Variants in HDAC8 observed in about 807,000 individuals in gnomAD.
HDAC8 encodes histone deacetylase-like 1.
In HDAC8, 1 loss-of-function variant was observed where a neutral mutation model predicts 32.2. The observed-to-expected ratio is 0.03, with a 90% confidence interval of 0.01 to 0.15. The LOEUF is 0.15. HDAC8 is among the 10% of genes least tolerant of loss of function. HDAC8 has a pLI of 1.00. For synonymous variants in HDAC8, 108 were observed against 113.9 expected, an observed-to-expected ratio of 0.95 and a Z score of 0.33; for missense variants, 117 against 300.0, an observed-to-expected ratio of 0.39 and a Z score of 4.51.
At chrX:72,446,084 G>T (rs782331344) in intron 9 of HDAC8, among the ~76,000 whole-genome samples, 1 of 112,213 alleles carries the variant, frequency 8.9e-6, no homozygotes, top group Non-Finnish European at 1.9e-5. Flanking sequence ...TACACTGTTG[G>T]TGGGACTGTA....
intron 4 of HDAC8, among the ~76,000 whole-genome samples, chrX:72,525,012 G>C (rs2050095220): frequency 9.0e-6 from 1 of 111,674 alleles, no homozygotes; most frequent in South Asian, 3.8e-4. Flanking sequence ...TTCTCATAAG[G>C]AGCATAAAAC....
intron 9 of HDAC8, among the ~76,000 whole-genome samples, chrX:72,452,455 T>TAAAC (rs1241638786): frequency 2.7e-5 from 3 of 110,826 alleles, no homozygotes; most frequent in South Asian, 3.9e-4. Context: ...GACTCCATCT[T>TAAAC]AAACAAACAA....
intron 9 of HDAC8, among the ~76,000 whole-genome samples, chrX:72,440,308 G>C (rs1470430835): frequency 9.0e-6 from 1 of 111,728 alleles, no homozygotes; most frequent in Non-Finnish European, 1.9e-5. Flanking sequence ...CAGAATCTCT[G>C]GGACACAGCT....
At chrX:72,330,579 G>A (rs1454061424) in intron 10 of HDAC8, among the ~76,000 whole-genome samples, 1 of 111,678 alleles carries the variant, frequency 9.0e-6, no homozygotes, top group African/African-American at 3.3e-5. Context: ...GTGAGTACCT[G>A]TGAAACACGG....
intron 9 of HDAC8, among the ~76,000 whole-genome samples, chrX:72,372,776 T>A (rs1169832417): frequency 2.7e-5 from 3 of 111,813 alleles, no homozygotes; most frequent in Non-Finnish European, 5.6e-5. Flanking sequence ...GTACCTTAGT[T>A]TCCTCATCTG....
At chrX:72,554,685 T>G (rs1326242682) in intron 4 of HDAC8, among the ~76,000 whole-genome samples, 1 of 111,321 alleles carries the variant, frequency 9.0e-6, no homozygotes, top group Non-Finnish European at 1.9e-5. Flanking sequence ...GTAACTCTAC[T>G]GGACTGGGAA....
At chrX:72,519,415 C>G (rs1471435778) in intron 4 of HDAC8, among the ~76,000 whole-genome samples, 1 of 111,819 alleles carries the variant, frequency 8.9e-6, no homozygotes, top group Non-Finnish European at 1.9e-5. Flanking sequence ...TCTACATTCC[C>G]ACCAGCAATG....
intron 9 of HDAC8, among the ~76,000 whole-genome samples, chrX:72,444,019 G>C (rs1367337050): frequency 9.2e-6 from 1 of 109,260 alleles, no homozygotes; most frequent in African/African-American, 3.4e-5. Flanking sequence ...ACCAATAAGA[G>C]GCTCTGAAAT....
At chrX:72,338,747 A>C (rs1192632815) in intron 10 of HDAC8, among the ~76,000 whole-genome samples, 1 of 100,594 alleles carries the variant, frequency 9.9e-6, no homozygotes, top group African/African-American at 3.6e-5. Flanking sequence ...TTGGGTTATT[A>C]ACTCACTTTT....
intron 9 of HDAC8, among the ~76,000 whole-genome samples, chrX:72,445,963 T>G (rs1347740364): frequency 8.9e-6 from 1 of 111,956 alleles, no homozygotes. Context: ...ATCAGAGAAA[T>G]GCAAATCAAA....
rs1283770783 is a variant in HDAC8, at chrX:72,483,320, A to T, written c.737+5613T>A. Among the ~76,000 whole-genome samples the T allele has an allele frequency of 3.6e-5, 4 of 111,459 alleles. No individual in the cohort carries two copies. The Admixed American group carries it at 3.8e-4, about 11-fold the overall frequency. On this transcript the variant is annotated intron_variant, in intron 7 of 10. Coordinates refer to ENST00000373573, the MANE Select transcript of HDAC8 (RefSeq NM_018486.3). ...GAAGGTATTAGGGTCTTGGAGGTGG[A>T]TCCTTCATGAATGACTTGGTGCTGT...
intron 4 of HDAC8, among the ~76,000 whole-genome samples, chrX:72,544,921 G>C (rs2050813994): frequency 8.9e-6 from 1 of 111,984 alleles, no homozygotes; most frequent in Non-Finnish European, 1.9e-5. Flanking sequence ...CTTGATTTTA[G>C]ACTCAGAGAG....
chrX:72,567,068 T>C (rs782807122), intron 4 of HDAC8, among the ~76,000 whole-genome samples: 1 of 111,907 alleles, frequency 8.9e-6, no homozygotes, highest in South Asian at 3.8e-4. Context: ...TCACTTGAAC[T>C]GGGAAGGAGG....
At position 72,501,235 on chromosome X, in the gene HDAC8, A is replaced by T. The variant is rs1301023850; in HGVS notation, c.438-5967T>A. ...GATTCAATGCTATACCTATCAAAAT[A>T]CATGTGACATTCTTCACAGAACTAG... is the stretch of plus-strand genomic sequence containing the variant. On this transcript the variant is annotated intron_variant, in intron 4 of 10. Transcript: ENST00000373573. Among the ~76,000 whole-genome samples the T allele has an allele frequency of 3.6e-5, 4 of 112,154 alleles. No individual in the cohort carries two copies. The East Asian group carries it at 1.1e-3, about 31-fold the overall frequency.
intron 9 of HDAC8, among the ~76,000 whole-genome samples, chrX:72,352,563 T>C (rs1470868310): frequency 1.8e-5 from 2 of 111,695 alleles, no homozygotes; most frequent in Non-Finnish European, 3.8e-5. Flanking sequence ...CACCTGTGTC[T>C]TATTCATTTC....
intron 4 of HDAC8, among the ~76,000 whole-genome samples, chrX:72,496,947 G>C (rs1204121800): frequency 1.8e-5 from 2 of 111,907 alleles, no homozygotes; most frequent in African/African-American, 6.5e-5. Flanking sequence ...CAAAAGCAGT[G>C]ATGGTTAAGA....
At chrX:72,355,988 G>A (rs782549330) in intron 9 of HDAC8, among the ~76,000 whole-genome samples, 9 of 112,146 alleles carry the variant, frequency 8.0e-5, no homozygotes, top group African/African-American at 2.3e-4. Flanking sequence ...AATACTACAC[G>A]TATTACAAGC....
At chrX:72,404,771 T>C (rs1310690122) in intron 9 of HDAC8, among the ~76,000 whole-genome samples, 1 of 110,898 alleles carries the variant, frequency 9.0e-6, no homozygotes, top group Non-Finnish European at 1.9e-5. Flanking sequence ...ATGATCATTT[T>C]TTTTCTTTCT....
chrX:72,410,638 T>C (rs2046165145), intron 9 of HDAC8, among the ~76,000 whole-genome samples: 1 of 111,484 alleles, frequency 9.0e-6, no homozygotes, highest in Non-Finnish European at 1.9e-5. Context: ...GATCTGTCAA[T>C]TCTACTGCAA....
Sources: allele counts gnomAD v4.1 joint callset (sites outside exome capture counted in the v4.1 genomes callset), GRCh38; gene constraint gnomAD v4.1.1; transcripts MANE v1.5; gene names NCBI Gene and HGNC (gene_info 2026-07-23, HGNC 2026-07-21).